The following TMCC1 variants were observed in gnomAD, a reference collection of about 807,000 sequenced individuals.
The protein encoded by TMCC1 is transmembrane and coiled-coil domain family 1, also known as transmembrane and coiled-coil domains protein 1.
Under a neutral mutation model 52.4 loss-of-function variants are expected in TMCC1, and 15 were observed. The ratio of observed to expected loss-of-function variants is 0.29; its 90% confidence interval spans 0.19 to 0.44. The LOEUF is 0.44. Ranked by LOEUF, TMCC1 falls within the 20% of genes least tolerant of loss-of-function variation. The pLI is 1.00. For synonymous variants in TMCC1, 279 were observed against 301.9 expected (o/e 0.92, Z 0.79); for missense variants, 503 against 806.0 (o/e 0.62, Z 4.55).
At chr3:129,718,821 A>C (rs1037498387) in intron 4 of TMCC1, among the ~76,000 whole-genome samples, 2 of 152,188 alleles carry the variant, frequency 1.3e-5, no homozygotes, top group African/African-American at 4.8e-5. Flanking sequence ...TATATAATAC[A>C]TATAATATAT....
At chr3:129,736,380 G>T (rs1001999975) in intron 4 of TMCC1, among the ~76,000 whole-genome samples, 3 of 152,152 alleles carry the variant, frequency 2.0e-5, no homozygotes, top group African/African-American at 7.2e-5. Context: ...TCACACAATT[G>T]TTTAATACTT....
intron 4 of TMCC1, among the ~76,000 whole-genome samples, chr3:129,803,803 A>G (rs542445069): frequency 2.0e-5 from 3 of 152,210 alleles, no homozygotes; most frequent in African/African-American, 4.8e-5. Context: ...ACAATGTGTG[A>G]TTATACATTG....
At chr3:129,871,883 T>C (rs1231413744) in intron 2 of TMCC1, among the ~76,000 whole-genome samples, 3 of 152,202 alleles carry the variant, frequency 2.0e-5, no homozygotes, top group African/African-American at 7.2e-5. Flanking sequence ...ATGAGAGCAA[T>C]GCAAATGAAT....
Position 129,828,443 on chromosome 3 carries a change from A to C in TMCC1, c.-65T>G. The C allele has an allele frequency of 6.7e-7, 1 of 1,488,736 alleles. No homozygotes were observed. The highest frequency in any genetic ancestry group is 9.1e-7 in the Non-Finnish European group (1 of 1,093,254). The allele number at this position is 1,488,736 out of a possible 1,614,324, so 92.2% of individuals were successfully genotyped here. Reference sequence around the variant, plus strand: ...TTTTTAAACACACCAAGAGTGTCAAATTAGGTAGGCATTTGCTTCAACAGT... The same window carrying C: ...TTTTTAAACACACCAAGAGTGTCAACTTAGGTAGGCATTTGCTTCAACAGT... On this transcript the variant is annotated 5_prime_UTR_variant, in exon 4 of 7. Transcript: ENST00000393238. The surrounding 1 kb of genome is among the most constrained non-coding windows in gnomAD (Gnocchi z 4.1).
chr3:129,682,192 C>T (rs1051889707), intron 4 of TMCC1, among the ~76,000 whole-genome samples: 4 of 151,996 alleles, frequency 2.6e-5, no homozygotes, highest in Non-Finnish European at 4.4e-5. Context: ...TATTCATGGG[C>T]GTGATCATTG....
intron 2 of TMCC1, among the ~76,000 whole-genome samples, chr3:129,869,969 C>G (rs562695189): frequency 6.6e-6 from 1 of 152,314 alleles, no homozygotes; most frequent in South Asian, 2.1e-4. Flanking sequence ...GAGTTATGAA[C>G]TAAAGCTAGT....
At chr3:129,763,576 A>T (rs1169212718) in intron 4 of TMCC1, among the ~76,000 whole-genome samples, 7 of 149,550 alleles carry the variant, frequency 4.7e-5, no homozygotes, top group Admixed American at 1.3e-4. Context: ...AAGAAAAAGA[A>T]AAAATTATAC....
rs2086333035 is a variant in TMCC1, at chr3:129,651,678, G to A, written c.1765C>T (p.Leu589Phe). The change falls in exon 7 of 7, where the codon CTC (leucine) becomes TTC (phenylalanine). Residue 589 changes from leucine (L) to phenylalanine (F), a missense_variant. Transcript: ENST00000393238. This position sits in a 1 kb window ranked among gnomAD's most constrained non-coding sequence, Gnocchi z 5.1. The part of the protein sequence containing the change: ...NATARNLLGK[L>F]INILLAVMAV... ...ATGACAGCCAGGAGGATGTTGATGA[G>A]TTTGCCCAGAAGGTTCCGGGCAGTG... is the stretch of plus-strand genomic sequence containing the variant. 3 of 1,614,230 alleles carry A rather than the reference G, an allele frequency of 1.9e-6. No individual in the cohort carries two copies. Among genetic ancestry groups the A allele is most frequent in the Non-Finnish European group, 2.5e-6 (3 of 1,180,042 alleles).
chr3:129,802,101 A>G lies in TMCC1; in HGVS notation c.576+25702T>C, dbSNP rs1182108962. Among the ~76,000 whole-genome samples the G allele has an allele frequency of 5.9e-5, 9 of 152,348 alleles. No homozygotes were observed. The East Asian group carries it at 1.7e-3, about 29-fold the overall frequency. On this transcript the variant is annotated intron_variant, in intron 4 of 6. Coordinates refer to ENST00000393238, the MANE Select transcript of TMCC1 (RefSeq NM_001017395.5). ...ATTTGTGAATGCCAGGAAAACCTTA[A>G]GACACTATATAGTCTTGTCTTGGGA...
Position 129,775,665 on chromosome 3 carries a change from A to G in TMCC1, c.576+52138T>C, listed in dbSNP as rs143501139. On this transcript the variant is annotated intron_variant, in intron 4 of 6. Transcript: ENST00000393238. ...AAATATCTAAGAAAAGCTGTCAAGT[A>G]GGCAACTGGTTCTTTTCCTCATTTC... Among the ~76,000 whole-genome samples the G allele has an allele frequency of 3.9e-4, 60 of 152,308 alleles. 1 individual carries two copies. The South Asian group carries it at 0.012, about 31-fold the overall frequency.
At chr3:129,820,528 T>C (rs1363473045) in intron 4 of TMCC1, among the ~76,000 whole-genome samples, 5 of 151,998 alleles carry the variant, frequency 3.3e-5, no homozygotes, top group Non-Finnish European at 7.4e-5. Context: ...TTCAGATTAA[T>C]ATATTAGATT....
At chr3:129,858,757 G>A (rs1345246956) in intron 2 of TMCC1, among the ~76,000 whole-genome samples, 1 of 152,140 alleles carries the variant, frequency 6.6e-6, no homozygotes, top group African/African-American at 2.4e-5. Flanking sequence ...CTGCAAGCAT[G>A]TAGGAAGATC....
At chr3:129,842,098 T>C (rs549833676) in intron 2 of TMCC1, among the ~76,000 whole-genome samples, 1 of 152,188 alleles carries the variant, frequency 6.6e-6, no homozygotes, top group Non-Finnish European at 1.5e-5. Context: ...CTGATAGGTA[T>C]GACAGAAAAT....
intron 4 of TMCC1, among the ~76,000 whole-genome samples, chr3:129,748,867 G>A (rs1443062430): frequency 6.6e-6 from 1 of 151,954 alleles, no homozygotes; most frequent in African/African-American, 2.4e-5. Flanking sequence ...GCTGGGCCTG[G>A]TGACTTATAC....
At chr3:129,731,139 G>A (rs1708122787) in intron 4 of TMCC1, among the ~76,000 whole-genome samples, 1 of 152,238 alleles carries the variant, frequency 6.6e-6, no homozygotes, top group South Asian at 2.1e-4. Context: ...AACCAAGCAG[G>A]GTTTGTATCA....
intron 5 of TMCC1, among the ~76,000 whole-genome samples, chr3:129,662,334 T>C (rs2087101099): frequency 6.6e-6 from 1 of 152,208 alleles, no homozygotes; most frequent in Non-Finnish European, 1.5e-5. Context: ...GTACAGCCTA[T>C]GATACACTTA....
chr3:129,807,284 A>G (rs1168464441), intron 4 of TMCC1, among the ~76,000 whole-genome samples: 1 of 152,200 alleles, frequency 6.6e-6, no homozygotes, highest in African/African-American at 2.4e-5. Context: ...TGGCTGGTTC[A>G]CAGGTAGTGT....
rs554837910 is a variant in TMCC1 at position 129,709,497 on chromosome 3, A to AAAAAAAGAG, written c.577-38234_577-38233insCTCTTTTTT. Among the ~76,000 whole-genome samples, 336 of 64,088 alleles carry AAAAAAAGAG rather than the reference A, an allele frequency of 5.2e-3. 49 individuals are homozygous for AAAAAAAGAG. The highest frequency in any genetic ancestry group is 0.01 in the African/African-American group (150 of 14,928). The allele number at this position is 64,088 out of a possible 152,430, so 42.0% of individuals were successfully genotyped here. ...CTCAAAAAAAAAAAAAAAAAAAAAA[A>AAAAAAAGAG]AGAGAGAGAGAGAGAAACTTTAAAT... is the stretch of plus-strand genomic sequence containing the variant. On this transcript the variant is annotated intron_variant, in intron 4 of 6. Transcript: ENST00000393238.
intron 4 of TMCC1, among the ~76,000 whole-genome samples, chr3:129,791,088 A>ATTTTTTTT (rs34048545): frequency 1.8e-4 from 15 of 82,974 alleles, no homozygotes; most frequent in African/African-American, 3.9e-4. Context: ...ACACTCCATA[A>ATTTTTTTT]TTTTTTTTTT....
Sources: allele counts gnomAD v4.1 joint callset (sites outside exome capture counted in the v4.1 genomes callset), GRCh38; gene constraint gnomAD v4.1.1; non-coding constraint Gnocchi (gnomAD v3.1); transcripts MANE v1.5; gene names NCBI Gene and HGNC (gene_info 2026-07-23, HGNC 2026-07-21).